The following FGF13 variants were observed in gnomAD, a reference collection of about 807,000 sequenced individuals.
FGF13 encodes fibroblast growth factor 13.
FGF13 carries 2 observed loss-of-function variants against 19.5 expected under a neutral mutation model. The observed-to-expected ratio is 0.10, with a 90% confidence interval of 0.04 to 0.32. FGF13 has a LOEUF of 0.32. Ranked by LOEUF, FGF13 falls within the 10% of genes least tolerant of loss-of-function variation. The pLI, the probability that FGF13 is intolerant of heterozygous loss-of-function variation, is 1.00. For missense variants in FGF13, 113 were observed against 192.7 expected, an observed-to-expected ratio of 0.59 and a Z score of 2.45; for synonymous variants, 72 against 76.9, an observed-to-expected ratio of 0.94 and a Z score of 0.33.
intron 3 of FGF13, among the ~76,000 whole-genome samples, chrX:138,659,565 A>C (rs183867350): frequency 1.0e-3 from 117 of 111,612 alleles, no homozygotes; most frequent in African/African-American, 3.3e-3. Context: ...TGGGTATATA[A>C]CCAAAGGATT....
chrX:138,655,913 T>C (rs1312194895), intron 3 of FGF13, among the ~76,000 whole-genome samples: 1 of 111,412 alleles, frequency 9.0e-6, no homozygotes, highest in Non-Finnish European at 1.9e-5. Flanking sequence ...GACTTCTCTG[T>C]AGGAATAATT....
intron 1 of FGF13, among the ~76,000 whole-genome samples, chrX:139,004,240 C>G (rs1327392851): frequency 2.7e-5 from 3 of 112,763 alleles, no homozygotes; most frequent in Non-Finnish European, 5.6e-5. Flanking sequence ...CTGGGGGACC[C>G]AGTACACCCT....
At chrX:138,835,871 TG>T in intron 3 of FGF13, among the ~76,000 whole-genome samples, 1 of 111,618 alleles carries the variant, frequency 9.0e-6, no homozygotes, top group South Asian at 3.8e-4. Context: ...CCTCAGCATT[TG>T]CTTGTCTGGA....
At chrX:139,000,668 T>C (rs1322248538) in intron 1 of FGF13, among the ~76,000 whole-genome samples, 3 of 111,482 alleles carry the variant, frequency 2.7e-5, no homozygotes, top group Non-Finnish European at 5.6e-5. Flanking sequence ...TACAAACCAC[T>C]GCTCAAGGAA....
chrX:138,873,697 T>A (rs2124168586), intron 1 of FGF13, among the ~76,000 whole-genome samples: 1 of 111,050 alleles, frequency 9.0e-6, no homozygotes, highest in African/African-American at 3.3e-5. Context: ...GAGTGTTTAT[T>A]GGTGTCTTCT....
chrX:139,123,286 AT>A (rs1424591398), intron 1 of FGF13, among the ~76,000 whole-genome samples: 1 of 111,578 alleles, frequency 9.0e-6, no homozygotes, highest in African/African-American at 3.3e-5. Context: ...TTCTTATTGT[AT>A]TTTTTTAAAA....
chrX:139,086,399 G>C lies in FGF13; in HGVS notation c.-113+117017C>G, dbSNP rs190305309. ...GAGGAGTGATTACTTAAATGGGTAT[G>C]AAGTTTCCTTTTGGTGTGATGAAAG... On this transcript the variant is annotated intron_variant, in intron 1 of 2. Transcript: ENST00000421460. 5.6e-3 allele frequency among the ~76,000 whole-genome samples: 627 copies of C among 112,336 alleles called. 4 individuals carry two copies. Among genetic ancestry groups the C allele is most frequent in the Non-Finnish European group, 7.5e-3 (402 of 53,303 alleles).
intron 1 of FGF13, among the ~76,000 whole-genome samples, chrX:138,949,432 C>G (rs1259772881): frequency 9.0e-6 from 1 of 111,539 alleles, no homozygotes; most frequent in Non-Finnish European, 1.9e-5. Flanking sequence ...GCCTCCATCA[C>G]TACATGGCCT....
intron 1 of FGF13, among the ~76,000 whole-genome samples, chrX:138,916,326 T>C (rs1469320884): frequency 9.0e-6 from 1 of 111,405 alleles, no homozygotes; most frequent in Non-Finnish European, 1.9e-5. Flanking sequence ...TTGATTGGAG[T>C]TGACAAGTGA....
intron 1 of FGF13, among the ~76,000 whole-genome samples, chrX:138,870,270 TAGTAA>T (rs1392934143): frequency 8.0e-5 from 9 of 112,009 alleles, no homozygotes; most frequent in African/African-American, 1.6e-4. Context: ...TTTTTTTAAG[TAGTAA>T]AGTAGAGTTC....
At chrX:138,804,413 G>C (rs1221668698) in intron 3 of FGF13, among the ~76,000 whole-genome samples, 1 of 111,993 alleles carries the variant, frequency 8.9e-6, no homozygotes, top group Non-Finnish European at 1.9e-5. Context: ...CACCTGAACT[G>C]TGCAATTCAC....
chrX:138,708,825 G>T lies in FGF13; in HGVS notation c.291C>A (p.Ser97Arg). The change falls in exon 2 of 5, where the codon AGC (serine) becomes AGA (arginine). Residue 97 changes from serine to arginine, a missense_variant. Physicochemically the swap from Ser to Arg is moderately radical, Grantham distance 110 (BLOSUM62 -1). This residue lies in a region of FGF13 where 51 missense variants were observed against 78.5 expected (regional missense o/e 0.65). Coordinates refer to ENST00000315930, the MANE Select transcript of FGF13 (RefSeq NM_004114.5). ...TATTTTGCAGTCACTTACTGTAAGT[G>T]CTGTCCTCATCTTTGGTGCCATCAA... ...GTIDGTKDED[S>R]TYTLFNLIPV... The T allele has an allele frequency of 8.4e-7, 1 of 1,190,884 alleles. No individual in the cohort carries two copies. Among genetic ancestry groups the T allele is most frequent in the Non-Finnish European group, 1.1e-6 (1 of 876,831 alleles).
intron 1 of FGF13, among the ~76,000 whole-genome samples, chrX:139,086,846 G>A (rs1419773990): frequency 1.8e-5 from 2 of 112,735 alleles, no homozygotes; most frequent in Non-Finnish European, 3.7e-5. Context: ...TGGCCAACAT[G>A]TAAACACCTG....
chrX:139,122,186 C>T (rs1317977068), intron 1 of FGF13, among the ~76,000 whole-genome samples: 4 of 111,436 alleles, frequency 3.6e-5, no homozygotes, highest in Non-Finnish European at 7.5e-5. Flanking sequence ...GTCAGTAAGG[C>T]CCCAAGATGC....
At chrX:138,705,503 T>C (rs1304350747) in intron 2 of FGF13, among the ~76,000 whole-genome samples, 3 of 112,219 alleles carry the variant, frequency 2.7e-5, no homozygotes, top group Non-Finnish European at 5.6e-5. Flanking sequence ...CTATGTACTT[T>C]TCACTATGTA....
At chrX:139,105,068 T>C (rs1489578697) in intron 1 of FGF13, among the ~76,000 whole-genome samples, 7 of 110,907 alleles carry the variant, frequency 6.3e-5, no homozygotes, top group African/African-American at 2.3e-4. Context: ...ACCAAGACCA[T>C]TGCTAATACC....
At chrX:138,681,963 G>C (rs1324346930) in intron 3 of FGF13, among the ~76,000 whole-genome samples, 1 of 111,929 alleles carries the variant, frequency 8.9e-6, no homozygotes, top group Non-Finnish European at 1.9e-5. Flanking sequence ...ACCCATAACA[G>C]ATACAACAAT....
intron 1 of FGF13, among the ~76,000 whole-genome samples, chrX:138,932,743 T>TGTGC (rs2091710477): frequency 9.2e-6 from 1 of 109,142 alleles, no homozygotes; most frequent in Non-Finnish European, 1.9e-5. Context: ...TGTGTGTGTG[T>TGTGC]CTGTTAACTT....
At chrX:138,645,254 T>A (rs1318325336) in intron 3 of FGF13, among the ~76,000 whole-genome samples, 1 of 112,281 alleles carries the variant, frequency 8.9e-6, no homozygotes, top group Non-Finnish European at 1.9e-5. Flanking sequence ...ATCACAGCAA[T>A]GGTGCCCTTA....
Sources: allele counts gnomAD v4.1 joint callset (sites outside exome capture counted in the v4.1 genomes callset), GRCh38; gene constraint gnomAD v4.1.1; regional missense constraint gnomAD v4.1.1; transcripts MANE v1.5; gene names NCBI Gene and HGNC (gene_info 2026-07-23, HGNC 2026-07-21).